ESRRG: variants seen among roughly 807,000 people sequenced by gnomAD.
ESRRG encodes the protein estrogen-related receptor gamma.
ESRRG carries 13 observed loss-of-function variants against 44.0 expected under a neutral mutation model. That is an observed-to-expected ratio of 0.30 (90% CI 0.19 to 0.47). The LOEUF (loss-of-function observed/expected upper bound fraction) is 0.47, where lower values mean the gene tolerates loss of function less well. Among genes scored for constraint, ESRRG ranks in the 20% least tolerant of loss-of-function variants. The pLI, the probability that ESRRG is intolerant of heterozygous loss-of-function variation, is 1.00. For missense variants in ESRRG, 395 were observed against 580.6 expected (o/e 0.68, Z 3.29); for synonymous variants, 215 against 214.6 (o/e 1.00, Z -0.02).
At chr1:216,986,572 C>A (rs550762244) in intron 1 of ESRRG, among the ~76,000 whole-genome samples, 2 of 151,664 alleles carry the variant, frequency 1.3e-5, no homozygotes, top group Non-Finnish European at 2.9e-5. Context: ...AATAATAATA[C>A]AAAAATCAGC....
chr1:217,013,677 T>C (rs2078953495), intron 1 of ESRRG, among the ~76,000 whole-genome samples: 1 of 152,200 alleles, frequency 6.6e-6, no homozygotes, highest in Admixed American at 6.5e-5. Context: ...GTGCTTACTT[T>C]TTGAAGTATA....
intron 2 of ESRRG, among the ~76,000 whole-genome samples, chr1:216,733,717 G>A (rs796691735): frequency 7.2e-5 from 11 of 152,104 alleles, no homozygotes; most frequent in African/African-American, 1.7e-4. Flanking sequence ...CAGTCTGGGC[G>A]CAGTGGCTCA....
chr1:216,967,117 G>T (rs945950738), intron 1 of ESRRG, among the ~76,000 whole-genome samples: 1 of 152,038 alleles, frequency 6.6e-6, no homozygotes, highest in African/African-American at 2.4e-5. Flanking sequence ...TTGAGAGGAA[G>T]GTACAGGGAC....
At chr1:217,122,725 C>T (rs1203033317) in intron 1 of ESRRG, among the ~76,000 whole-genome samples, 2 of 136,194 alleles carry the variant, frequency 1.5e-5, no homozygotes, top group East Asian at 4.5e-4. Flanking sequence ...GGCTGGAGTA[C>T]AATGGCTCGA....
intron 1 of ESRRG, among the ~76,000 whole-genome samples, chr1:216,990,916 C>T (rs2075587278): frequency 6.6e-6 from 1 of 152,032 alleles, no homozygotes; most frequent in Admixed American, 6.6e-5. Flanking sequence ...TCCTGTGGTC[C>T]TATAAAGCAG....
chr1:217,067,856 C>A (rs571254878), intron 1 of ESRRG, among the ~76,000 whole-genome samples: 26 of 152,184 alleles, frequency 1.7e-4, no homozygotes, highest in African/African-American at 3.6e-4. Context: ...GGAAAAAAAA[C>A]CCCACAACAC....
chr1:216,518,783 A>G (rs1054889134), intron 6 of ESRRG, among the ~76,000 whole-genome samples: 1 of 152,178 alleles, frequency 6.6e-6, no homozygotes, highest in African/African-American at 2.4e-5. Flanking sequence ...TGAGGGAAAA[A>G]TGGTTTGTGT....
chr1:217,033,323 A>T (rs2082347642), intron 1 of ESRRG, among the ~76,000 whole-genome samples: 1 of 152,168 alleles, frequency 6.6e-6, no homozygotes, highest in South Asian at 2.1e-4. Flanking sequence ...TCCTACCTTA[A>T]CTATCACTGA....
At chr1:217,131,407 A>G (rs537751341) in intron 1 of ESRRG, among the ~76,000 whole-genome samples, 7 of 152,312 alleles carry the variant, frequency 4.6e-5, no homozygotes, top group African/African-American at 9.6e-5. Context: ...TCAAGCATGT[A>G]TCTAACTCAG....
chr1:216,816,611 C>T (rs1171809956), intron 2 of ESRRG, among the ~76,000 whole-genome samples: 1 of 152,100 alleles, frequency 6.6e-6, no homozygotes, highest in African/African-American at 2.4e-5. Flanking sequence ...TGGTGCATGC[C>T]TAAGTTTCCT....
At chr1:216,709,061 G>A (rs1014904383) in intron 1 of ESRRG, among the ~76,000 whole-genome samples, 1 of 152,066 alleles carries the variant, frequency 6.6e-6, no homozygotes, top group African/African-American at 2.4e-5. Flanking sequence ...ACTGGGGCCT[G>A]CAGGAGAGTG....
At chr1:216,661,577 TA>T (rs2072429612) in intron 2 of ESRRG, among the ~76,000 whole-genome samples, 1 of 152,180 alleles carries the variant, frequency 6.6e-6, no homozygotes, top group African/African-American at 2.4e-5. Flanking sequence ...TATGACCAGT[TA>T]GGGGCATTTG....
At chr1:216,675,178 T>C (rs1218455872) in intron 2 of ESRRG, among the ~76,000 whole-genome samples, 2 of 151,892 alleles carry the variant, frequency 1.3e-5, no homozygotes. Context: ...CTGGCCAATG[T>C]GGTGAAACCT....
intron 3 of ESRRG, among the ~76,000 whole-genome samples, chr1:216,604,539 T>C (rs1471854215): frequency 2.1e-4 from 32 of 152,144 alleles, no homozygotes; most frequent in Non-Finnish European, 2.9e-5. Flanking sequence ...CAGCCCCCCA[T>C]ATCACAAAGA....
At position 216,660,699 on chromosome 1, in the gene ESRRG, T is replaced by C. The variant is rs773232496; in HGVS notation, c.473-9610A>G. On this transcript the variant is annotated intron_variant, in intron 2 of 6. Transcript: ENST00000408911. ...GCCTGACATAGGAGCCTGAGAGTGATAGGTTCAGGGTGGATCTTGGCATTG... is the reference window on the plus strand; with the variant it reads ...GCCTGACATAGGAGCCTGAGAGTGACAGGTTCAGGGTGGATCTTGGCATTG... Among the ~76,000 whole-genome samples, 16 of 152,340 alleles carry C rather than the reference T, an allele frequency of 1.1e-4. 1 individual carries two copies. In the South Asian group the frequency reaches 2.7e-3, roughly 26 times the overall value.
chr1:216,556,664 G>A (rs751335308), intron 5 of ESRRG, among the ~76,000 whole-genome samples: 19 of 152,120 alleles, frequency 1.2e-4, no homozygotes, highest in Non-Finnish European at 2.2e-4. Flanking sequence ...GATCTTTCCA[G>A]CCTCAAGTCA....
chr1:217,035,349 G>T (rs1181896060), intron 1 of ESRRG, among the ~76,000 whole-genome samples: 1 of 149,054 alleles, frequency 6.7e-6, no homozygotes, highest in African/African-American at 2.5e-5. Context: ...AAAGTGGTGA[G>T]CCAAGTACCA....
chr1:216,832,791 C>T (rs1353278411), intron 2 of ESRRG, among the ~76,000 whole-genome samples: 1 of 152,054 alleles, frequency 6.6e-6, no homozygotes, highest in African/African-American at 2.4e-5. Context: ...TGGTGAAACC[C>T]CATCTCTACT....
At chr1:216,843,396 G>T (rs563108388) in intron 2 of ESRRG, among the ~76,000 whole-genome samples, 1 of 152,060 alleles carries the variant, frequency 6.6e-6, no homozygotes, top group South Asian at 2.1e-4. Flanking sequence ...GTTTTTCAAG[G>T]TATTAAATTA....
Sources: gnomAD v4.1 joint callset for allele counts (sites outside exome capture counted in the v4.1 genomes callset) on GRCh38, gnomAD v4.1.1 for gene constraint, MANE v1.5 for transcripts, NCBI Gene and HGNC (gene_info 2026-07-23, HGNC 2026-07-21) for gene names.